Variants in TTC21B observed in about 807,000 individuals in gnomAD.
TTC21B encodes tetratricopeptide repeat domain 21B.
A neutral mutation model predicts 175.1 loss-of-function variants in TTC21B; 127 were observed. That is an observed-to-expected ratio of 0.73 (90% confidence interval 0.63 to 0.84). The LOEUF (loss-of-function observed/expected upper bound fraction) is 0.84, where lower values mean the gene tolerates loss of function less well. Ranked by LOEUF, TTC21B falls within the 40% of genes least tolerant of loss-of-function variation. The probability of loss-of-function intolerance (pLI) is 0.00; values close to 1 mark genes in which losing one functional copy is unlikely to be tolerated. For synonymous variants in TTC21B, 524 were observed against 524.5 expected (o/e 1.00, Z 0.01); for missense variants, 1,561 against 1,558.3 (o/e 1.00, Z -0.03).
chr2:165,876,972 C>T (rs1486284340), intron 27 of TTC21B, among the ~76,000 whole-genome samples: 4 of 152,148 alleles, frequency 2.6e-5, no homozygotes, highest in Non-Finnish European at 4.4e-5. Flanking sequence ...TCATCAATGA[C>T]TGGTAAGAAT....
At chr2:165,938,323 T>C (rs1687237922) in intron 6 of TTC21B, among the ~76,000 whole-genome samples, 1 of 152,032 alleles carries the variant, frequency 6.6e-6, no homozygotes, top group Non-Finnish European at 1.5e-5. Context: ...TTATAGGTAT[T>C]CTAGCTAAGA....
At chr2:165,883,592 ATCTT>A (rs2105284090) in intron 26 of TTC21B, among the ~76,000 whole-genome samples, 198 bp downstream of exon 26, 1 of 152,284 alleles carries the variant, frequency 6.6e-6, no homozygotes, top group African/African-American at 2.4e-5. Context: ...AATTGCATAA[ATCTT>A]TCTTTTTTTT....
chr2:165,903,405 G>C (rs1004631021), intron 19 of TTC21B, among the ~76,000 whole-genome samples: 1 of 152,108 alleles, frequency 6.6e-6, no homozygotes, highest in African/African-American at 2.4e-5. Flanking sequence ...ATATACAACA[G>C]GTAAGCCTGT....
intron 19 of TTC21B, among the ~76,000 whole-genome samples, chr2:165,903,319 T>C (rs530445586): frequency 1.4e-4 from 22 of 152,090 alleles, no homozygotes; most frequent in African/African-American, 2.7e-4. Flanking sequence ...AGGAATCACA[T>C]GTGAAGGAAA....
chr2:165,946,559 C>T (rs1029451188), intron 3 of TTC21B, among the ~76,000 whole-genome samples: 1 of 152,036 alleles, frequency 6.6e-6, no homozygotes, highest in Non-Finnish European at 1.5e-5. Flanking sequence ...TGTATATGGC[C>T]AGACATGGTG....
intron 20 of TTC21B, 142 bp downstream of exon 20, chr2:165,901,580 C>T: frequency 5.1e-6 from 4 of 785,104 alleles, no homozygotes; most frequent in South Asian, 4.7e-5. Context: ...GCCTTGGCCT[C>T]CCAAAGGGCT....
At chr2:165,882,281 C>T (rs1460446257) in intron 26 of TTC21B, among the ~76,000 whole-genome samples, 3 of 152,134 alleles carry the variant, frequency 2.0e-5, no homozygotes, top group Non-Finnish European at 4.4e-5. Context: ...ATTTGGTTAA[C>T]CAATTCTGTA....
Position 165,926,011 on chromosome 2 carries a change from A to G in TTC21B, c.1387-1333T>C, listed in dbSNP as rs535920725. Among the ~76,000 whole-genome samples the G allele has an allele frequency of 3.9e-5, 6 of 152,326 alleles. No homozygotes were observed. The South Asian group carries it at 1.2e-3, about 32-fold the overall frequency. ...TCATAGAAAAAATAGTTATGCAGACAATCTTTAAGATATCGTTTGTTCAAT... is the reference window on the plus strand; with the variant it reads ...TCATAGAAAAAATAGTTATGCAGACGATCTTTAAGATATCGTTTGTTCAAT... On this transcript the variant is annotated intron_variant, in intron 11 of 28. Coordinates refer to ENST00000243344, the MANE Select transcript of TTC21B (RefSeq NM_024753.5).
intron 15 of TTC21B, among the ~76,000 whole-genome samples, chr2:165,914,657 C>G (rs76591774): frequency 0.35 from 41,246 of 117,958 alleles, 7,175 homozygotes; most frequent in Non-Finnish European, 0.4. Context: ...GAAGAGCAAT[C>G]TGTGTGTGTG....
intron 22 of TTC21B, among the ~76,000 whole-genome samples, chr2:165,897,886 CTG>C (rs1174235033): frequency 6.6e-6 from 1 of 152,156 alleles, no homozygotes; most frequent in African/African-American, 2.4e-5. Flanking sequence ...AGGGAATAAA[CTG>C]TGCCAAATAT....
intron 1 of TTC21B, among the ~76,000 whole-genome samples, chr2:165,952,422 G>A (rs779786505): frequency 6.6e-6 from 1 of 152,084 alleles, no homozygotes; most frequent in Non-Finnish European, 1.5e-5. Context: ...TGTACTATCT[G>A]GCCCTTTGTT....
chr2:165,915,599 C>G (rs779191540), intron 14 of TTC21B, among the ~76,000 whole-genome samples, 160 bp from the exon 15 acceptor site: 5 of 152,092 alleles, frequency 3.3e-5, no homozygotes, highest in Non-Finnish European at 7.4e-5. Context: ...AAATTTAAAA[C>G]TAAACCCATG....
At chr2:165,875,561 G>T (rs555858600) in intron 28 of TTC21B, among the ~76,000 whole-genome samples, 3 of 152,218 alleles carry the variant, frequency 2.0e-5, no homozygotes, top group Non-Finnish European at 2.9e-5. Flanking sequence ...TTCTAAAACT[G>T]TAATTTAAAT....
chr2:165,894,143 G>C (rs978001371), intron 22 of TTC21B, among the ~76,000 whole-genome samples: 1 of 152,074 alleles, frequency 6.6e-6, no homozygotes, highest in African/African-American at 2.4e-5. Flanking sequence ...AGTGGGTTAG[G>C]ATACGACAGA....
At chr2:165,937,488 C>T (rs1457508828) in intron 6 of TTC21B, among the ~76,000 whole-genome samples, 1 of 152,060 alleles carries the variant, frequency 6.6e-6, no homozygotes, top group East Asian at 1.9e-4. Flanking sequence ...AAATGTACCA[C>T]TCTGGTGGGA....
chr2:165,917,204 A>G, intron 14 of TTC21B, 53 bp downstream of exon 14: 1 of 1,502,438 alleles, frequency 6.7e-7, no homozygotes, highest in South Asian at 1.1e-5. Flanking sequence ...ACTAATATAT[A>G]TGTTAGAATA....
chr2:165,926,770 G>A (rs1350447671), intron 11 of TTC21B, among the ~76,000 whole-genome samples: 1 of 151,612 alleles, frequency 6.6e-6, no homozygotes, highest in Non-Finnish European at 1.5e-5. Flanking sequence ...AGAAAAATGT[G>A]AAAAGACTAG....
In TTC21B at chr2:165,879,009, C is replaced by T. The variant is rs931362251; in HGVS notation, c.3805+1670G>A. On this transcript the variant is annotated intron_variant, in intron 27 of 28. Coordinates refer to ENST00000243344, the MANE Select transcript of TTC21B (RefSeq NM_024753.5). ...GAGCATGATTTTAAGGGTTTTCTGA[C>T]AACTGAAAAAGTGAAATACATTGTT... Among the ~76,000 whole-genome samples the T allele has an allele frequency of 3.9e-5, 6 of 152,076 alleles. No individual in the cohort carries two copies. The East Asian group carries it at 9.7e-4, about 25-fold the overall frequency.
chr2:165,935,419 T>A (rs2105352133), intron 6 of TTC21B, among the ~76,000 whole-genome samples: 1 of 152,338 alleles, frequency 6.6e-6, no homozygotes, highest in South Asian at 2.1e-4. Context: ...AATAGGAAAC[T>A]GCTTAGGTGC....
Sources: gnomAD v4.1 joint callset for allele counts (sites outside exome capture counted in the v4.1 genomes callset) on GRCh38, gnomAD v4.1.1 for gene constraint, MANE v1.5 for transcripts, NCBI Gene and HGNC (gene_info 2026-07-23, HGNC 2026-07-21) for gene names.